The following MCM5 variants were observed in gnomAD, a reference collection of about 807,000 sequenced individuals.
MCM5 encodes DNA replication licensing factor MCM5.
In MCM5, 46 loss-of-function variants were observed where a neutral mutation model predicts 79.9. That is an observed-to-expected ratio of 0.58 (90% CI 0.45 to 0.74). The LOEUF (loss-of-function observed/expected upper bound fraction) is 0.74. Among genes scored for constraint, MCM5 ranks in the 30% least tolerant of loss-of-function variants. The pLI is 0.00. For missense variants in MCM5, 883 were observed against 1,017.0 expected, an observed-to-expected ratio of 0.87 and a Z score of 1.79; for synonymous variants, 404 against 390.5, an observed-to-expected ratio of 1.03 and a Z score of -0.41.
Position 35,415,944 on chromosome 22 carries a change from G to A in MCM5, c.1319G>A (p.Gly440Glu). 6.2e-7 allele frequency: 1 copy of A among 1,614,174 alleles called. No individual in the cohort carries two copies. Residue 440 changes from glycine to glutamate, a missense_variant, in exon 10 of 17, where the codon GGG becomes GAG. By Grantham distance (98) the Gly-to-Glu change is moderately conservative. Coordinates refer to ENST00000216122, the MANE Select transcript of MCM5 (RefSeq NM_006739.4). ...GGAGCCATGGTCCTGGCCGATGGTGGGGTCGTCTGTATTGACGAGTTTGAC... is the reference window on the plus strand; with the variant it reads ...GGAGCCATGGTCCTGGCCGATGGTGAGGTCGTCTGTATTGACGAGTTTGAC... Reference protein sequence around the residue: ...EGGAMVLADGGVVCIDEFDKM... With the variant: ...EGGAMVLADGEVVCIDEFDKM...
the MCM5 span, among the ~76,000 whole-genome samples, chr22:35,445,710 C>T: frequency 6.6e-6 from 1 of 152,086 alleles, no homozygotes; most frequent in Non-Finnish European, 1.5e-5. Flanking sequence ...AGGGTTTCAC[C>T]ATGTTGGCCA....
the MCM5 span, among the ~76,000 whole-genome samples, chr22:35,441,037 A>G: frequency 3.3e-5 from 5 of 151,270 alleles, no homozygotes; most frequent in Middle Eastern, 6.3e-3. Flanking sequence ...AGCCTGGGCA[A>G]TAAGAGTGAA....
chr22:35,406,739 C>T lies in MCM5; in HGVS notation c.596+14C>T, dbSNP rs770066662. The T allele has an allele frequency of 4.4e-6, 7 of 1,603,820 alleles. No individual in the cohort carries two copies. The South Asian group carries it at 6.6e-5, about 15-fold the overall frequency. Reference sequence around the variant, plus strand: ...GAAGTGCAACACGTGAGTCTGTGGCCCAGAGGGACTGTGGGAGGTGACCTG... The same window carrying T: ...GAAGTGCAACACGTGAGTCTGTGGCTCAGAGGGACTGTGGGAGGTGACCTG... On this transcript the variant is annotated intron_variant, in intron 5 of 16. Transcript: ENST00000216122.
intron 6 of MCM5, 187 bp from the exon 7 acceptor site, chr22:35,410,556 TG>T: frequency 3.2e-6 from 2 of 615,774 alleles, no homozygotes; most frequent in Non-Finnish European, 3.0e-6. Flanking sequence ...CAGCTGAGCA[TG>T]GGCTGAGTGA....
chr22:35,406,646 C>CG lies in MCM5; in HGVS notation c.518dup (p.Ser174GlnfsTer61). 1 of 1,612,422 alleles carries CG rather than the reference C, an allele frequency of 6.2e-7. No individual in the cohort carries two copies. Among genetic ancestry groups the CG allele is most frequent in the Non-Finnish European group, 8.5e-7 (1 of 1,180,016 alleles). On this transcript the variant is annotated frameshift_variant, in exon 5 of 17. Coordinates refer to ENST00000216122, the MANE Select transcript of MCM5 (RefSeq NM_006739.4). LOFTEE classifies it high-confidence loss of function. ...GGCCACCCGCATCTCTATCCAGTGC[C>CG]GCAGCTGCCGCAACACCCTCACCAA...
At chr22:35,408,982 A>C (rs2145788860) in intron 6 of MCM5, among the ~76,000 whole-genome samples, 1 of 144,964 alleles carries the variant, frequency 6.9e-6, no homozygotes, top group East Asian at 2.0e-4. Flanking sequence ...TTTTTTTTTG[A>C]GACGGAGTCT....
At chr22:35,451,374 C>T in the MCM5 span, among the ~76,000 whole-genome samples, 17 of 152,248 alleles carry the variant, frequency 1.1e-4, no homozygotes, top group South Asian at 2.1e-4. Context: ...CTCAGCAAGG[C>T]GAAGAGATCG....
chr22:35,425,952 C>T (rs143135850), downstream of MCM5, among the ~76,000 whole-genome samples: 94 of 152,210 alleles, frequency 6.2e-4, no homozygotes, highest in Admixed American at 1.1e-3. Flanking sequence ...CTGGTGGCTC[C>T]GAACTCCACC....
chr22:35,422,814 G>C (rs1263642581), intron 15 of MCM5: 1 of 156,364 alleles, frequency 6.4e-6, no homozygotes, highest in African/African-American at 2.4e-5. Context: ...GGGCAGGCTG[G>C]CTTCCCTCCT....
At chr22:35,427,928 A>AGG (rs2145807978), downstream of MCM5, among the ~76,000 whole-genome samples, 1 of 151,662 alleles carries the variant, frequency 6.6e-6, no homozygotes, top group South Asian at 2.1e-4. Context: ...TAATCCCAGC[A>AGG]CTTTAGGAGG....
chr22:35,432,364 G>A, the MCM5 span, among the ~76,000 whole-genome samples: 1 of 152,190 alleles, frequency 6.6e-6, no homozygotes, highest in African/African-American at 2.4e-5. Context: ...GATGAAGCCA[G>A]GGGGTCTAGC....
downstream of MCM5, among the ~76,000 whole-genome samples, chr22:35,429,553 A>C (rs1932799469): frequency 6.7e-6 from 1 of 150,000 alleles, no homozygotes; most frequent in Admixed American, 6.6e-5. Flanking sequence ...TTTTTTTTTT[A>C]AGATGGAGTC....
chr22:35,412,298 T>A (rs1056222300), intron 7 of MCM5, among the ~76,000 whole-genome samples: 4 of 152,214 alleles, frequency 2.6e-5, no homozygotes, highest in African/African-American at 9.6e-5. Flanking sequence ...TTCTCCCCAC[T>A]TCCCCTCACC....
At chr22:35,401,407 C>T (rs1039490945) in intron 2 of MCM5, 1 of 471,222 alleles carries the variant, frequency 2.1e-6, no homozygotes, top group Non-Finnish European at 4.4e-6. Flanking sequence ...TGCTGCCTGC[C>T]AGATACTGTT....
At position 35,424,162 on chromosome 22, in the gene MCM5, G is replaced by C. The variant is rs761101191; in HGVS notation, c.2112G>C (p.Pro704=). 4 of 1,550,436 alleles carry C rather than the reference G, an allele frequency of 2.6e-6. 1 individual carries two copies. In the South Asian group the frequency reaches 3.6e-5, roughly 14 times the overall value. ...IIKDFTKQKY[P]EHAIHKVLQL... ...GCCATGTGCTCCCACAGAAATACCC[G>C]GAGCACGCCATCCACAAGGTGCTGC... Residue 704 remains proline (P), a synonymous_variant, in exon 17 of 17, where the codon CCG becomes CCC. Transcript: ENST00000216122.
chr22:35,440,430 G>A, the MCM5 span, among the ~76,000 whole-genome samples: 2 of 152,180 alleles, frequency 1.3e-5, no homozygotes, highest in Non-Finnish European at 2.9e-5. Flanking sequence ...AGGCTCTGGG[G>A]TTCTAGGGAG....
chr22:35,407,535 A>G (rs9622198), intron 5 of MCM5, among the ~76,000 whole-genome samples: 33 of 151,412 alleles, frequency 2.2e-4, no homozygotes, highest in African/African-American at 7.4e-4. Context: ...GCCCGGCCTC[A>G]CTGCCTCCTT....
rs1372793632 is a variant in MCM5, at chr22:35,406,570, C to T, written c.441C>T (p.His147=). The change falls in exon 5 of 17, where the codon CAC becomes CAT. Residue 147 remains histidine (H), a synonymous_variant. Transcript: ENST00000216122. The stretch of plus-strand genomic sequence containing the variant: ...TATTACAGTCGGACATGATGTCACA[C>T]CTGGTGAAGATCCCTGGCATCATCA... The part of the protein sequence containing the change: ...IRSLKSDMMS[H]LVKIPGIIIA... 5.0e-6 allele frequency: 8 copies of T among 1,613,608 alleles called. No homozygotes were observed. In the African/African-American group the frequency reaches 1.1e-4, roughly 22 times the overall value.
chr22:35,429,438 T>A (rs557364294), downstream of MCM5, among the ~76,000 whole-genome samples: 2 of 152,128 alleles, frequency 1.3e-5, no homozygotes, highest in Admixed American at 1.3e-4. Flanking sequence ...TTAGGAGATA[T>A]TATTGCCTTC....
Sources: gnomAD v4.1 joint callset for allele counts (sites outside exome capture counted in the v4.1 genomes callset) on GRCh38, gnomAD v4.1.1 for gene constraint, MANE v1.5 for transcripts, NCBI Gene and HGNC (gene_info 2026-07-23, HGNC 2026-07-21) for gene names.